VTA1: variants seen among roughly 807,000 people sequenced by gnomAD.
VTA1 encodes vacuolar protein sorting-associated protein VTA1 homolog.
VTA1 carries 24 observed loss-of-function variants against 36.9 expected under a neutral mutation model. The ratio of observed to expected loss-of-function variants is 0.65; its 90% confidence interval spans 0.47 to 0.91. The LOEUF is 0.91. VTA1 is among the 40% of genes least tolerant of loss of function. VTA1 has a pLI of 0.00. For synonymous variants in VTA1, 142 were observed against 130.2 expected, an observed-to-expected ratio of 1.09 and a Z score of -0.62; for missense variants, 393 against 377.2, an observed-to-expected ratio of 1.04 and a Z score of -0.35.
chr6:142,210,683 AT>A (rs1207193805), intron 7 of VTA1, among the ~76,000 whole-genome samples: 1 of 152,218 alleles, frequency 6.6e-6, no homozygotes, highest in Admixed American at 6.5e-5. Flanking sequence ...ACAAATCAAA[AT>A]CACATTGCAT....
intron 4 of VTA1, among the ~76,000 whole-genome samples, chr6:142,174,244 G>T (rs940036965): frequency 1.1e-4 from 16 of 152,186 alleles, no homozygotes; most frequent in African/African-American, 3.1e-4. Context: ...AGCCATAGGG[G>T]CAGAGCTGCC....
chr6:142,171,097 A>G (rs1309342104), intron 4 of VTA1, among the ~76,000 whole-genome samples: 1 of 150,638 alleles, frequency 6.6e-6, no homozygotes, highest in East Asian at 2.0e-4. Flanking sequence ...TTGAGGTAGA[A>G]TCATTTTTTT....
intron 5 of VTA1, among the ~76,000 whole-genome samples, chr6:142,195,595 C>CT (rs72442499): frequency 0.024 from 1,715 of 70,634 alleles, 47 homozygotes; most frequent in African/African-American, 0.053. Flanking sequence ...GTTTAATTTG[C>CT]TTTTTTTTTT....
chr6:142,202,261 A>G (rs1009177637), intron 6 of VTA1, among the ~76,000 whole-genome samples: 2 of 151,970 alleles, frequency 1.3e-5, no homozygotes, highest in African/African-American at 4.8e-5. Flanking sequence ...ACTTATCAAA[A>G]TCAAGCAAAA....
chr6:142,206,863 G>T (rs1475120393), intron 7 of VTA1, among the ~76,000 whole-genome samples: 1 of 152,132 alleles, frequency 6.6e-6, no homozygotes, highest in South Asian at 2.1e-4. Flanking sequence ...TCAATAAATG[G>T]TGCTGGCGTA....
chr6:142,206,218 A>T (rs1775788019), intron 7 of VTA1, among the ~76,000 whole-genome samples: 1 of 152,234 alleles, frequency 6.6e-6, no homozygotes, highest in Non-Finnish European at 1.5e-5. Flanking sequence ...ACTGGATTGC[A>T]GTATACATGA....
rs1776046710 is a variant in VTA1, at chr6:142,218,613, T to G, written c.894T>G (p.Ala298=). 6.2e-7 allele frequency: 1 copy of G among 1,611,112 alleles called. No individual in the cohort carries two copies. The highest frequency in any genetic ancestry group is 1.3e-5 in the African/African-American group (1 of 74,878). ...CTGCTGTCCAGAATCTACAAAAGGC[T>G]CTCAAGTTACTGACGACAGGCAGAG... ...VSTAVQNLQK[A]LKLLTTGRE Residue 298 remains alanine, a synonymous_variant, in exon 8 of 8, where the codon GCT becomes GCG. Coordinates refer to ENST00000367630, the MANE Select transcript of VTA1 (RefSeq NM_016485.5).
intron 5 of VTA1, among the ~76,000 whole-genome samples, chr6:142,195,149 A>G (rs1330115352): frequency 6.6e-6 from 1 of 152,112 alleles, no homozygotes; most frequent in Non-Finnish European, 1.5e-5. Flanking sequence ...AATTGTTTGC[A>G]TAAGATTGGT....
intron 1 of VTA1, among the ~76,000 whole-genome samples, chr6:142,154,664 A>C (rs965736410): frequency 2.0e-5 from 3 of 152,056 alleles, no homozygotes; most frequent in Admixed American, 6.6e-5. Flanking sequence ...AGTCATTCTT[A>C]ATAGGTACAG....
chr6:142,154,732 C>A (rs994185218), intron 1 of VTA1, among the ~76,000 whole-genome samples: 2 of 151,970 alleles, frequency 1.3e-5, no homozygotes, highest in African/African-American at 2.4e-5. Context: ...AGTTGAAAAC[C>A]TTTTCATGTG....
chr6:142,192,604 A>G (rs1056287122), intron 5 of VTA1, among the ~76,000 whole-genome samples: 1 of 152,012 alleles, frequency 6.6e-6, no homozygotes, highest in Non-Finnish European at 1.5e-5. Context: ...TCATTGATTC[A>G]TAGTCTGTCC....
chr6:142,195,888 C>T (rs1035277180), intron 5 of VTA1, among the ~76,000 whole-genome samples: 1 of 152,036 alleles, frequency 6.6e-6, no homozygotes, highest in African/African-American at 2.4e-5. Context: ...AGTCAGAGAA[C>T]ATACTATAAA....
chr6:142,198,449 A>G lies in VTA1; in HGVS notation c.531A>G (p.Glu177=). The change falls in exon 6 of 8, where the codon GAA becomes GAG. Residue 177 remains glutamate (E), a synonymous_variant. Coordinates refer to ENST00000367630, the MANE Select transcript of VTA1 (RefSeq NM_016485.5). ...VGIEEDNDIE[E]NEDAGAASLP... ...TATGTGATCTGATAGATATTGAAGAAAATGAAGATGCTGGAGCAGCCTCTC... is the reference window on the plus strand; with the variant it reads ...TATGTGATCTGATAGATATTGAAGAGAATGAAGATGCTGGAGCAGCCTCTC... 6.2e-7 allele frequency: 1 copy of G among 1,614,006 alleles called. No individual in the cohort carries two copies. The highest frequency in any genetic ancestry group is 8.5e-7 in the Non-Finnish European group (1 of 1,179,896).
At chr6:142,187,932 G>C (rs62430484) in intron 4 of VTA1, among the ~76,000 whole-genome samples, 1 of 61,104 alleles carries the variant, frequency 1.6e-5, no homozygotes, top group South Asian at 4.8e-4. Flanking sequence ...TTTTTTTTTG[G>C]CCGGGAGGAG....
rs1308357533 is a variant in VTA1, at chr6:142,160,657, A to G, written c.113-5571A>G. Among the ~76,000 whole-genome samples the G allele has an allele frequency of 2.0e-5, 3 of 151,886 alleles. No individual in the cohort carries two copies. In the East Asian group the frequency reaches 5.8e-4, roughly 29 times the overall value. On this transcript the variant is annotated intron_variant, in intron 1 of 7. Transcript: ENST00000367630. ...CTGGGCTGATCATTGGTGCCACCTCATTTGTTTCCTTTCTCCAGGTATCAT... is the reference window on the plus strand; with the variant it reads ...CTGGGCTGATCATTGGTGCCACCTCGTTTGTTTCCTTTCTCCAGGTATCAT...
chr6:142,164,480 T>A (rs780044747), intron 1 of VTA1, among the ~76,000 whole-genome samples: 1 of 152,176 alleles, frequency 6.6e-6, no homozygotes, highest in Non-Finnish European at 1.5e-5. Context: ...TAATATGAGA[T>A]AGCCCTCAAA....
At chr6:142,164,860 C>A (rs934443019) in intron 1 of VTA1, among the ~76,000 whole-genome samples, 12 of 152,162 alleles carry the variant, frequency 7.9e-5, no homozygotes, top group Non-Finnish European at 2.9e-5. Context: ...TTATCAAGGG[C>A]CAACCACTGT....
intron 4 of VTA1, among the ~76,000 whole-genome samples, chr6:142,183,033 G>A (rs1404607624): frequency 6.6e-6 from 1 of 151,692 alleles, no homozygotes; most frequent in Non-Finnish European, 1.5e-5. Flanking sequence ...AACCAGGAAA[G>A]CAAGTGTAAG....
At position 142,223,942 on chromosome 6, in the gene VTA1, A is replaced by G. The variant is rs1394793645; in HGVS notation, c.*5299A>G. Reference sequence around the variant, plus strand: ...TTTAGTGTTACTATGCATATGGCCTATGGAGGCCAGGAGTGTAAATGTATT... The same window carrying G: ...TTTAGTGTTACTATGCATATGGCCTGTGGAGGCCAGGAGTGTAAATGTATT... On this transcript the variant is annotated 3_prime_UTR_variant, in exon 8 of 8. Coordinates refer to ENST00000367630, the MANE Select transcript of VTA1 (RefSeq NM_016485.5). 6.6e-6 allele frequency: 1 copy of G among 151,170 alleles called. No homozygotes were observed. The highest frequency in any genetic ancestry group is 1.5e-5 in the Non-Finnish European group (1 of 67,818). 9.4% of individuals were successfully genotyped at this position (151,170 alleles called of 1,614,324 possible). A position where few individuals can be genotyped will look rare whatever the true frequency, so the allele number is the denominator to read the frequency against.
Sources: gnomAD v4.1 joint callset for allele counts (sites outside exome capture counted in the v4.1 genomes callset) on GRCh38, gnomAD v4.1.1 for gene constraint, MANE v1.5 for transcripts, NCBI Gene and HGNC (gene_info 2026-07-23, HGNC 2026-07-21) for gene names.